Variants in PKD1 observed in about 807,000 individuals in gnomAD.
PKD1 encodes polycystin-1.
Under a neutral mutation model 361.7 loss-of-function variants are expected in PKD1, and 81 were observed. The observed-to-expected ratio is 0.22, with a 90% CI of 0.19 to 0.27. The LOEUF is 0.27. PKD1 is among the 10% of genes least tolerant of loss of function. The pLI is 1.00. For missense variants in PKD1, 6,399 were observed against 6,118.3 expected, an observed-to-expected ratio of 1.05 and a Z score of -1.53; for synonymous variants, 3,615 against 2,818.3, an observed-to-expected ratio of 1.28 and a Z score of -8.95.
intron 1 of PKD1, among the ~76,000 whole-genome samples, chr16:2,122,169 C>A (rs1012513252): frequency 9.2e-5 from 14 of 152,382 alleles, no homozygotes; most frequent in African/African-American, 2.6e-4. Context: ...GGAAGCAGCA[C>A]CAGCCACGGA....
chr16:2,096,118 C>T (rs906330841), intron 34 of PKD1, among the ~76,000 whole-genome samples: 2 of 152,246 alleles, frequency 1.3e-5, no homozygotes, highest in Admixed American at 6.5e-5. Context: ...GCAGCAGTCA[C>T]GCACCACTTA....
rs745435821 is a variant in PKD1, at chr16:2,090,431, G to A, written c.12298C>T (p.Arg4100Trp). 5.6e-6 allele frequency: 9 copies of A among 1,612,408 alleles called. No individual in the cohort carries two copies. The highest frequency in any genetic ancestry group is 2.7e-5 in the African/African-American group (2 of 74,908). The change falls in exon 45 of 46, where the codon CGG becomes TGG. Residue 4100 changes from arginine (R) to tryptophan (W), a missense_variant. Arg to Trp is a moderately radical substitution (Grantham distance 101). Transcript: ENST00000262304. Reference sequence around the variant, plus strand: ...CAGCGGAGAATAACAGCCCCCAGCCGTAGGGCGCCCCACAGCCGCAGTGCC... The same window carrying A: ...CAGCGGAGAATAACAGCCCCCAGCCATAGGGCGCCCCACAGCCGCAGTGCC... ...LWALRLWGAL[R>W]LGAVILRWRY...
chr16:2,114,699 G>C lies in PKD1; in HGVS notation c.2324C>G (p.Thr775Arg). ...PACALRLLAA[T>R]EQLTVLLGLR... Reference sequence around the variant, plus strand: ...GCCCAGCAGCACGGTGAGCTGTTCCGTGGCTGCAAGCAGCCGCAGGGCACA... The same window carrying C: ...GCCCAGCAGCACGGTGAGCTGTTCCCTGGCTGCAAGCAGCCGCAGGGCACA... The change falls in exon 11 of 46, where the codon ACG (threonine) becomes AGG (arginine). Residue 775 changes from threonine to arginine, a missense_variant. Thr to Arg is a moderately conservative substitution (Grantham distance 71). Transcript: ENST00000262304. 2.0e-6 allele frequency: 3 copies of C among 1,535,746 alleles called. No homozygotes were observed. The highest frequency in any genetic ancestry group is 1.7e-6 in the Non-Finnish European group (2 of 1,147,882).
chr16:2,104,331 G>C (rs1394788149), intron 22 of PKD1, among the ~76,000 whole-genome samples, 167 bp downstream of exon 22: 1 of 85,450 alleles, frequency 1.2e-5, no homozygotes, highest in South Asian at 5.3e-4. Flanking sequence ...GGAAGGGGGA[G>C]GGGGAGGAGA....
chr16:2,088,758 G>C lies in PKD1; in HGVS notation c.*969C>G, dbSNP rs1362775126. The stretch of plus-strand genomic sequence containing the variant: ...ACTTTGTCTGCTTGGTGCGGGGGTT[G>C]GGGGGGTGTCGAGGCTCTAGAAGCG... On this transcript the variant is annotated 3_prime_UTR_variant, in exon 46 of 46. Transcript: ENST00000262304. 8.7e-7 allele frequency: 1 copy of C among 1,144,602 alleles called. No individual in the cohort carries two copies. 70.9% of individuals were successfully genotyped at this position (1,144,602 alleles called of 1,614,324 possible).
In PKD1 at chr16:2,088,742, G is replaced by C; in HGVS notation, c.*985C>G. On this transcript the variant is annotated 3_prime_UTR_variant, in exon 46 of 46. Transcript: ENST00000262304. ...GACAGCTCTTTTATTGACTTTGTCTGCTTGGTGCGGGGGTTGGGGGGGTGT... is the reference window on the plus strand; with the variant it reads ...GACAGCTCTTTTATTGACTTTGTCTCCTTGGTGCGGGGGTTGGGGGGGTGT... 1 of 1,293,196 alleles carries C rather than the reference G, an allele frequency of 7.7e-7. No homozygotes were observed. The highest frequency in any genetic ancestry group is 1.1e-6 in the Non-Finnish European group (1 of 945,666). 80.1% of individuals were successfully genotyped at this position (1,293,196 alleles called of 1,614,324 possible). A position where few individuals can be genotyped will look rare whatever the true frequency, so the allele number is the denominator to read the frequency against.
intron 22 of PKD1, 152 bp from the exon 23 acceptor site, chr16:2,104,047 G>C: frequency 4.1e-6 from 1 of 246,230 alleles, no homozygotes; most frequent in East Asian, 9.1e-5. Flanking sequence ...GGGGAAGCTG[G>C]AGAGAGAGTG....
Position 2,116,939 on chromosome 16 carries a change from T to G in PKD1, c.1500A>C (p.Pro500=). ...ESCQNWLPGE[P]HPATAEHCVR... ...CGCAGTGCTCGGCTGTGGCTGGGTG[T>G]GGCTCCCCGGGCAGCCAGTTCTGGC... The change falls in exon 7 of 46, where the codon CCA becomes CCC. Residue 500 remains proline, a synonymous_variant. Transcript: ENST00000262304. 1 of 1,515,072 alleles carries G rather than the reference T, an allele frequency of 6.6e-7. No individual in the cohort carries two copies. The highest frequency in any genetic ancestry group is 2.4e-5 in the East Asian group (1 of 41,674). The allele number at this position is 1,515,072 out of a possible 1,614,324, so 93.9% of individuals were successfully genotyped here.
At chr16:2,123,927 G>A (rs529068819) in intron 1 of PKD1, among the ~76,000 whole-genome samples, 63 of 152,288 alleles carry the variant, frequency 4.1e-4, no homozygotes, top group African/African-American at 1.5e-3. Flanking sequence ...GGGGCAGGAC[G>A]GTGCCCCAGC....
At chr16:2,113,318 G>C in intron 11 of PKD1, 26 bp from the exon 12 acceptor site, 1 of 1,595,376 alleles carries the variant, frequency 6.3e-7, no homozygotes, top group South Asian at 1.1e-5. Flanking sequence ...TGTCAGCCTG[G>C]GCTCTGTGGA....
Position 2,090,660 on chromosome 16 carries a change from G to C in PKD1, c.12138+14C>G. 1.2e-6 allele frequency: 2 copies of C among 1,611,398 alleles called. No individual in the cohort carries two copies. Among genetic ancestry groups the C allele is most frequent in the Non-Finnish European group, 1.7e-6 (2 of 1,179,836 alleles). ...CTGAGCTAAGACGCCCTCCCCGGCC[G>C]CGCAGTCACCTACCAGGATGGCCAG... is the stretch of plus-strand genomic sequence containing the variant. On this transcript the variant is annotated intron_variant, in intron 44 of 45. Transcript: ENST00000262304.
intron 37 of PKD1, 35 bp downstream of exon 37, chr16:2,093,509 G>A (rs1370564379): frequency 1.3e-6 from 2 of 1,565,628 alleles, no homozygotes; most frequent in African/African-American, 2.7e-5. Context: ...ACAAGAGACG[G>A]AGGTGGCAGG....
At chr16:2,092,395 C>G in intron 39 of PKD1, 85 bp downstream of exon 39, 1 of 1,045,346 alleles carries the variant, frequency 9.6e-7, no homozygotes, top group African/African-American at 1.6e-5. Flanking sequence ...AGCTAGGGAG[C>G]AGGGCTGATG....
intron 16 of PKD1, chr16:2,107,440 C>T (rs964250384): frequency 1.4e-5 from 5 of 359,040 alleles, no homozygotes; most frequent in East Asian, 7.1e-5. Context: ...GGGGAACAGA[C>T]GCCCACTCTG....
intron 26 of PKD1, among the ~76,000 whole-genome samples, chr16:2,101,139 C>A (rs1215352680): frequency 6.6e-6 from 1 of 152,134 alleles, no homozygotes; most frequent in Admixed American, 6.5e-5. Flanking sequence ...GCGCCTGCCA[C>A]TACGCCGGGC....
rs777817860 is a variant in PKD1 at position 2,115,471 on chromosome 16, G to A, written c.2004C>T (p.Gly668=). 3 of 1,601,820 alleles carry A rather than the reference G, an allele frequency of 1.9e-6. No homozygotes were observed. Among genetic ancestry groups the A allele is most frequent in the Non-Finnish European group, 2.6e-6 (3 of 1,175,618 alleles). Residue 668 remains glycine, a synonymous_variant, in exon 10 of 46, where the codon GGC becomes GGT. Coordinates refer to ENST00000262304, the MANE Select transcript of PKD1 (RefSeq NM_001009944.3). ...CGGGTAGCCCTGGCCCTGACGTGCA[G>A]CCATTGGCGCAGGCCTGGGGGTGGC... The part of the protein sequence containing the change: ...ASCHPQACAN[G]CTSGPGLPGA...
Position 2,089,662 on chromosome 16 carries a change from G to C in PKD1, c.*65C>G. 2.6e-6 allele frequency: 4 copies of C among 1,533,644 alleles called. No individual in the cohort carries two copies. The highest frequency in any genetic ancestry group is 3.9e-5 in the Admixed American group (2 of 50,866). The stretch of plus-strand genomic sequence containing the variant: ...CTGCCTGGCCCTCGGCCTTGACAGC[G>C]GCAGAAAGTAATACTGAGCGGTGTC... On this transcript the variant is annotated 3_prime_UTR_variant, in exon 46 of 46. Transcript: ENST00000262304.
chr16:2,094,099 G>C lies in PKD1; in HGVS notation c.10611C>G (p.Ser3537=). ...GGGGCTACGCAAGCACACCTGTCCT[G>C]GACAGCCTCGCTGCCTGGGGCTGTT... The part of the protein sequence containing the change: ...NWEQPQAARL[S]RTGLVEGLRK... Residue 3537 remains serine, a synonymous_variant, in exon 35 of 46, where the codon TCC becomes TCG. Transcript: ENST00000262304. 1 of 1,591,156 alleles carries C rather than the reference G, an allele frequency of 6.3e-7. No homozygotes were observed. The highest frequency in any genetic ancestry group is 8.6e-7 in the Non-Finnish European group (1 of 1,168,008).
At chr16:2,095,858 G>GAGAT (rs1490317508) in intron 34 of PKD1, among the ~76,000 whole-genome samples, 2 of 152,216 alleles carry the variant, frequency 1.3e-5, no homozygotes, top group African/African-American at 4.8e-5. Context: ...CTTTGGGCCG[G>GAGAT]AGATACCTGG....
Sources: allele counts gnomAD v4.1 joint callset (sites outside exome capture counted in the v4.1 genomes callset), GRCh38; gene constraint gnomAD v4.1.1; transcripts MANE v1.5; gene names NCBI Gene and HGNC (gene_info 2026-07-23, HGNC 2026-07-21).